The following CAPN1 variants were observed in gnomAD, a reference collection of about 807,000 sequenced individuals.
CAPN1 encodes calpain 1, also known as calpain-1 catalytic subunit.
CAPN1 carries 77 observed loss-of-function variants against 105.2 expected under a neutral mutation model. The ratio of observed to expected loss-of-function variants is 0.73; its 90% CI spans 0.61 to 0.88. The LOEUF is 0.88. Ranked by LOEUF, CAPN1 falls within the 40% of genes least tolerant of loss-of-function variation. The pLI, the probability that CAPN1 is intolerant of heterozygous loss-of-function variation, is 0.00. For missense variants in CAPN1, 833 were observed against 976.6 expected, an observed-to-expected ratio of 0.85 and a Z score of 1.96; for synonymous variants, 355 against 388.8, an observed-to-expected ratio of 0.91 and a Z score of 1.02.
At chr11:65,205,026 C>T (rs993749908) in intron 11 of CAPN1, among the ~76,000 whole-genome samples, 168 bp downstream of exon 11, 2 of 152,220 alleles carry the variant, frequency 1.3e-5, no homozygotes, top group African/African-American at 4.8e-5. Flanking sequence ...ATCTCAGCCT[C>T]CAGGAGGCAC....
At chr11:65,189,252 C>T (rs2137329492) in intron 10 of CAPN1, among the ~76,000 whole-genome samples, 1 of 152,350 alleles carries the variant, frequency 6.6e-6, no homozygotes, top group South Asian at 2.1e-4. Flanking sequence ...ATCTCCTGAC[C>T]TCAGGTGATC....
At chr11:65,186,936 G>T (rs763018815) in intron 6 of CAPN1, among the ~76,000 whole-genome samples, 4 of 152,200 alleles carry the variant, frequency 2.6e-5, no homozygotes, top group Non-Finnish European at 4.4e-5. Flanking sequence ...ATGCATGTTC[G>T]CACAGGTTCT....
intron 10 of CAPN1, among the ~76,000 whole-genome samples, chr11:65,195,106 T>TTTG (rs1196736776): frequency 3.6e-5 from 5 of 140,780 alleles, no homozygotes; most frequent in Non-Finnish European, 3.1e-5. Flanking sequence ...TGGGGTTTTT[T>TTTG]TTTTTTTTTT....
At chr11:65,190,724 G>GTTTTTTTTT (rs1355574999) in intron 10 of CAPN1, among the ~76,000 whole-genome samples, 1 of 55,032 alleles carries the variant, frequency 1.8e-5, no homozygotes, top group Non-Finnish European at 5.3e-5. Context: ...TTTTGTTTTT[G>GTTTTTTTTT]TTTTTTGAGA....
At position 65,187,286 on chromosome 11, in the gene CAPN1, C is replaced by CGGGGCCAAGCAGGTACTGCCCT. The variant is rs1948648150; in HGVS notation, c.835_843+13dup. 2 of 1,612,072 alleles carry CGGGGCCAAGCAGGTACTGCCCT rather than the reference C, an allele frequency of 1.2e-6. No homozygotes were observed. Among genetic ancestry groups the CGGGGCCAAGCAGGTACTGCCCT allele is most frequent in the Admixed American group, 3.3e-5 (2 of 59,798 alleles). ...TGAAGGGCCATGCCTACTCTGTGAC[C>CGGGGCCAAGCAGGTACTGCCCT]GGGGCCAAGCAGGTACTGCCCTGGG... On this transcript the variant is annotated frameshift_variant, in exon 7 of 22. Transcript: ENST00000279247. LOFTEE classifies it high-confidence loss of function.
Position 65,208,184 on chromosome 11 carries a change from C to T in CAPN1, c.1672-21C>T. ...GGGCAGCCCTCTCCTGGGGCAGGTG[C>T]CACCTCCTCTCTCTCCCCAGGACAT... On this transcript the variant is annotated intron_variant, in intron 15 of 21. Transcript: ENST00000279247. This position sits in a 1 kb window ranked among gnomAD's most constrained non-coding sequence, Gnocchi z 4.1. The T allele has an allele frequency of 6.3e-7, 1 of 1,585,280 alleles. No homozygotes were observed. Among genetic ancestry groups the T allele is most frequent in the Non-Finnish European group, 8.6e-7 (1 of 1,165,744 alleles).
At chr11:65,206,704 C>G in intron 13 of CAPN1, 30 bp downstream of exon 13, 2 of 1,610,664 alleles carry the variant, frequency 1.2e-6, no homozygotes, top group Non-Finnish European at 1.7e-6. Context: ...CTGCCACTCT[C>G]CCCTCTCCCA....
intron 10 of CAPN1, among the ~76,000 whole-genome samples, chr11:65,189,079 A>G (rs1029296619): frequency 6.6e-6 from 1 of 151,704 alleles, no homozygotes; most frequent in African/African-American, 2.4e-5. Flanking sequence ...GCTGGAGTGC[A>G]GTAGCGTGGC....
intron 10 of CAPN1, among the ~76,000 whole-genome samples, chr11:65,190,775 C>T (rs1047636446): frequency 4.6e-5 from 7 of 150,882 alleles, no homozygotes; most frequent in East Asian, 1.9e-4. Context: ...TGCAGTGGCG[C>T]GATCTCGGCT....
At position 65,186,160 on chromosome 11, in the gene CAPN1, C is replaced by A; in HGVS notation, c.591-10C>A. On this transcript the variant is annotated splice_polypyrimidine_tract_variant and intron_variant, in intron 5 of 21. Transcript: ENST00000279247. ...TTGATGCCAGAGTGCTGACCTGGAGCTGCCCACAGGGTAAATGGCAGCTAC... is the reference window on the plus strand; with the variant it reads ...TTGATGCCAGAGTGCTGACCTGGAGATGCCCACAGGGTAAATGGCAGCTAC... 1 of 1,611,604 alleles carries A rather than the reference C, an allele frequency of 6.2e-7. No homozygotes were observed.
chr11:65,202,996 T>C (rs1049893556), intron 10 of CAPN1, among the ~76,000 whole-genome samples: 1 of 152,172 alleles, frequency 6.6e-6, no homozygotes, highest in Non-Finnish European at 1.5e-5. Context: ...CATGGTCCTT[T>C]GTGGCTGGCC....
intron 10 of CAPN1, among the ~76,000 whole-genome samples, chr11:65,200,529 G>A (rs1948852760): frequency 6.6e-6 from 1 of 152,140 alleles, no homozygotes; most frequent in South Asian, 2.1e-4. Flanking sequence ...ATTTTTAGTA[G>A]AGACAGGGTT....
In CAPN1 at chr11:65,188,323, G is replaced by T; in HGVS notation, c.930-91G>T. The T allele has an allele frequency of 8.4e-7, 1 of 1,196,412 alleles. No homozygotes were observed. Among genetic ancestry groups the T allele is most frequent in the Non-Finnish European group, 1.2e-6 (1 of 837,162 alleles). 74.1% of individuals were successfully genotyped at this position (1,196,412 alleles called of 1,614,324 possible). A position where few individuals can be genotyped will look rare whatever the true frequency, so the allele number is the denominator to read the frequency against. On this transcript the variant is annotated intron_variant, in intron 8 of 21. Transcript: ENST00000279247. This position sits in a 1 kb window ranked among gnomAD's most constrained non-coding sequence, Gnocchi z 5.5. The stretch of plus-strand genomic sequence containing the variant: ...TTGAGGAGGCCACCTGGGCTGGGCC[G>T]GGGGAAGACAGGCCAGGGTAGACAG...
chr11:65,186,254 C>T lies in CAPN1; in HGVS notation c.675C>T (p.Tyr225=), dbSNP rs371609832. The T allele has an allele frequency of 2.1e-5, 34 of 1,613,374 alleles. No individual in the cohort carries two copies. The East Asian group carries it at 3.6e-4, about 17-fold the overall frequency. Residue 225 remains tyrosine (Y), a synonymous_variant, in exon 6 of 22, where the codon TAC becomes TAT. Coordinates refer to ENST00000279247, the MANE Select transcript of CAPN1 (RefSeq NM_005186.4). ...TCACAGGCGGGGTTACCGAGTGGTA[C>T]GAGTTGCGCAAGGCTCCCAGTGACC... is the stretch of plus-strand genomic sequence containing the variant. ...EDFTGGVTEW[Y]ELRKAPSDLY... is the part of the protein sequence containing the mutation.
At chr11:65,185,767 C>T in intron 4 of CAPN1, 150 bp from the exon 5 acceptor site, 1 of 753,498 alleles carries the variant, frequency 1.3e-6, no homozygotes, top group Non-Finnish European at 2.1e-6. Flanking sequence ...TAGTATACAT[C>T]TAGTATGTAT....
chr11:65,208,602 A>T lies in CAPN1; in HGVS notation c.1729+340A>T. The stretch of plus-strand genomic sequence containing the variant: ...ACACCAGCCTGGACAATATGGAGAG[A>T]CCCTGTCTCTGCAAAAAAGTACAAA... On this transcript the variant is annotated intron_variant, in intron 16 of 21. Coordinates refer to ENST00000279247, the MANE Select transcript of CAPN1 (RefSeq NM_005186.4). The surrounding 1 kb of genome is among the most constrained non-coding windows in gnomAD (Gnocchi z 4.1). 2.5e-6 allele frequency: 1 copy of T among 392,902 alleles called. No homozygotes were observed. Among genetic ancestry groups the T allele is most frequent in the Non-Finnish European group, 4.8e-6 (1 of 207,878 alleles). The allele number at this position is 392,902 out of a possible 1,614,324, so 24.3% of individuals were successfully genotyped here. A position where few individuals can be genotyped will look rare whatever the true frequency, so the allele number is the denominator to read the frequency against.
chr11:65,208,876 C>T lies in CAPN1; in HGVS notation c.1730-447C>T. ...AGGCTGAGTGGCTTGGGGAACACCACGTGACTGGCTTCACTCCCCAGGGCA... is the reference window on the plus strand; with the variant it reads ...AGGCTGAGTGGCTTGGGGAACACCATGTGACTGGCTTCACTCCCCAGGGCA... On this transcript the variant is annotated intron_variant, in intron 16 of 21. Transcript: ENST00000279247. This position sits in a 1 kb window ranked among gnomAD's most constrained non-coding sequence, Gnocchi z 4.1. The T allele has an allele frequency of 8.4e-6, 2 of 238,064 alleles. No individual in the cohort carries two copies. Among genetic ancestry groups the T allele is most frequent in the South Asian group, 1.1e-4 (2 of 17,462 alleles). 14.7% of individuals were successfully genotyped at this position (238,064 alleles called of 1,614,324 possible).
chr11:65,186,389 G>T, intron 6 of CAPN1, 51 bp downstream of exon 6: 1 of 1,513,226 alleles, frequency 6.6e-7, no homozygotes, highest in Non-Finnish European at 8.9e-7. Flanking sequence ...CTGGTATCCT[G>T]ACCTGTCACA....
In CAPN1 at chr11:65,210,794, AC is replaced by A; in HGVS notation, c.2060-18del. On this transcript the variant is annotated intron_variant, in intron 20 of 21. Coordinates refer to ENST00000279247, the MANE Select transcript of CAPN1 (RefSeq NM_005186.4). The surrounding 1 kb of genome is among the most constrained non-coding windows in gnomAD (Gnocchi z 4.3). ...CCCACTGAGTTTTCAGCCCTGTATC[AC>A]CTTTTCTTGAACACACAGGATTTTT... 1.2e-6 allele frequency: 2 copies of A among 1,608,172 alleles called. No individual in the cohort carries two copies. Among genetic ancestry groups the A allele is most frequent in the Non-Finnish European group, 1.7e-6 (2 of 1,174,822 alleles).
Sources: allele counts gnomAD v4.1 joint callset (sites outside exome capture counted in the v4.1 genomes callset), GRCh38; gene constraint gnomAD v4.1.1; non-coding constraint Gnocchi (gnomAD v3.1); transcripts MANE v1.5; gene names NCBI Gene and HGNC (gene_info 2026-07-23, HGNC 2026-07-21).